Variants in PPARG observed in about 807,000 individuals in gnomAD.
PPARG encodes the protein peroxisome proliferator activated receptor gamma.
A neutral mutation model predicts 39.2 loss-of-function variants in PPARG; 17 were observed. That is an observed-to-expected ratio of 0.43 (90% CI 0.30 to 0.65). PPARG has a LOEUF of 0.65. Ranked by LOEUF, PPARG falls within the 30% of genes least tolerant of loss-of-function variation. The pLI is 0.13. For missense variants in PPARG, 406 were observed against 585.9 expected, an observed-to-expected ratio of 0.69 and a Z score of 3.17; for synonymous variants, 223 against 215.7, an observed-to-expected ratio of 1.03 and a Z score of -0.30.
At chr3:12,424,866 AC>A (rs1337098372) in intron 7 of PPARG, among the ~76,000 whole-genome samples, 1 of 152,110 alleles carries the variant, frequency 6.6e-6, no homozygotes. Context: ...CCTTATCAGG[AC>A]CCTGAGCAAA....
chr3:12,362,602 C>T (rs1436882736), intron 2 of PPARG, among the ~76,000 whole-genome samples: 3 of 151,874 alleles, frequency 2.0e-5, no homozygotes, highest in African/African-American at 7.3e-5. Flanking sequence ...ACAGTCATGT[C>T]ATCTGTAAGT....
intron 1 of PPARG, among the ~76,000 whole-genome samples, chr3:12,308,362 AAAAAAAAAG>A (rs1286559985): frequency 1.0e-4 from 15 of 149,920 alleles, no homozygotes; most frequent in Admixed American, 5.3e-4. Context: ...AAAAAAAAAA[AAAAAAAAAG>A]GGAGAAACTG....
Position 12,392,600 on chromosome 3 carries a change from T to A in PPARG, c.391-14T>A, listed in dbSNP as rs2050115627. 1 of 1,613,500 alleles carries A rather than the reference T, an allele frequency of 6.2e-7. No individual in the cohort carries two copies. The highest frequency in any genetic ancestry group is 1.3e-5 in the African/African-American group (1 of 74,926). ...TAAAGACTTAAAATTTGCTTCTTTT[T>A]TATCCCTTTGCAGGGTTTCTTCCGG... On this transcript the variant is annotated splice_polypyrimidine_tract_variant and intron_variant, in intron 4 of 7. Transcript: ENST00000651735.
chr3:12,384,962 G>A (rs113084498), intron 4 of PPARG, among the ~76,000 whole-genome samples: 24 of 152,206 alleles, frequency 1.6e-4, no homozygotes, highest in African/African-American at 5.8e-4. Context: ...CAACCATAAA[G>A]CCTTCAGTCT....
intron 5 of PPARG, among the ~76,000 whole-genome samples, chr3:12,393,610 A>G (rs1015189753): frequency 5.9e-5 from 9 of 152,262 alleles, no homozygotes; most frequent in Admixed American, 3.3e-4. Flanking sequence ...GTTATTTTCA[A>G]TGCACTCAAG....
chr3:12,338,883 CTG>C (rs1559498972), intron 2 of PPARG, among the ~76,000 whole-genome samples: 1 of 152,172 alleles, frequency 6.6e-6, no homozygotes, highest in Non-Finnish European at 1.5e-5. Flanking sequence ...CAGGTAGAAA[CTG>C]TGGCACTGAA....
At chr3:12,341,582 C>A (rs536048417) in intron 2 of PPARG, among the ~76,000 whole-genome samples, 3 of 152,230 alleles carry the variant, frequency 2.0e-5, no homozygotes, top group South Asian at 4.1e-4. Flanking sequence ...CCAAGGTGGA[C>A]AGATCACTTG....
At chr3:12,392,525 A>G (rs577942809) in intron 4 of PPARG, 89 bp from the exon 5 acceptor site, 6 of 1,484,146 alleles carry the variant, frequency 4.0e-6, no homozygotes, top group Non-Finnish European at 5.6e-6. Flanking sequence ...GCCTTTTCTG[A>G]TTCCCAGGCC....
At position 12,434,190 on chromosome 3, in the gene PPARG, C is replaced by T; in HGVS notation, c.*45C>T. ...GCCAACATTTCCCTTCTTCCAGTTG[C>T]ACTATTCTGAGGGAAAATCTGACAC... On this transcript the variant is annotated 3_prime_UTR_variant, in exon 8 of 8. Transcript: ENST00000651735. The surrounding 1 kb of genome is among the most constrained non-coding windows in gnomAD (Gnocchi z 4.2). 1.2e-6 allele frequency: 2 copies of T among 1,613,090 alleles called. No homozygotes were observed. The highest frequency in any genetic ancestry group is 1.7e-6 in the Non-Finnish European group (2 of 1,179,416).
chr3:12,349,074 T>C (rs949532065), intron 2 of PPARG, among the ~76,000 whole-genome samples: 3 of 152,188 alleles, frequency 2.0e-5, no homozygotes, highest in South Asian at 2.1e-4. Context: ...TGCATGCCAA[T>C]TGACCTTCAA....
chr3:12,434,282 A>G lies in PPARG; in HGVS notation c.*137A>G, dbSNP rs2051784955. ...TTTTAGAATATGATCTATTTTATGC[A>G]TATTGTTTATAAAGACACATTTACA... is the stretch of plus-strand genomic sequence containing the variant. On this transcript the variant is annotated 3_prime_UTR_variant, in exon 8 of 8. Transcript: ENST00000651735. This position sits in a 1 kb window ranked among gnomAD's most constrained non-coding sequence, Gnocchi z 4.2. 8.1e-6 allele frequency: 9 copies of G among 1,105,868 alleles called. No individual in the cohort carries two copies. The highest frequency in any genetic ancestry group is 1.2e-5 in the Non-Finnish European group (9 of 760,222). 68.5% of individuals were successfully genotyped at this position (1,105,868 alleles called of 1,614,324 possible).
intron 2 of PPARG, among the ~76,000 whole-genome samples, chr3:12,372,629 G>A (rs771808378): frequency 7.9e-5 from 12 of 151,992 alleles, no homozygotes; most frequent in South Asian, 4.2e-4. Flanking sequence ...TTTTCTTTTC[G>A]TAAGGGACAA....
At chr3:12,287,875 G>A (rs1296308378), upstream of PPARG, 1 of 139,050 alleles carries the variant, frequency 7.2e-6, no homozygotes, top group Non-Finnish European at 1.6e-5. Context: ...CCCCGCGCCG[G>A]GCCCGGCTCG....
At chr3:12,319,795 C>T (rs937408853) in intron 2 of PPARG, among the ~76,000 whole-genome samples, 1 of 151,796 alleles carries the variant, frequency 6.6e-6, no homozygotes. Context: ...TGTCTTTCCT[C>T]TTCTGTTCTT....
intron 2 of PPARG, among the ~76,000 whole-genome samples, chr3:12,349,626 T>G (rs2048423259): frequency 6.6e-6 from 1 of 152,208 alleles, no homozygotes; most frequent in South Asian, 2.1e-4. Flanking sequence ...GCACCTAGCT[T>G]TAGGCTTGCC....
intron 2 of PPARG, among the ~76,000 whole-genome samples, chr3:12,331,741 G>A (rs751750428): frequency 6.6e-6 from 1 of 152,162 alleles, no homozygotes; most frequent in Non-Finnish European, 1.5e-5. Flanking sequence ...AGGACATGGC[G>A]ATTGGTTTGA....
intron 2 of PPARG, among the ~76,000 whole-genome samples, chr3:12,369,876 A>G (rs1358092958): frequency 6.6e-6 from 1 of 152,172 alleles, no homozygotes; most frequent in Non-Finnish European, 1.5e-5. Flanking sequence ...ACAGAGTAAT[A>G]AAAACTCCTC....
At chr3:12,349,576 G>T (rs2048421971) in intron 2 of PPARG, among the ~76,000 whole-genome samples, 1 of 152,142 alleles carries the variant, frequency 6.6e-6, no homozygotes, top group African/African-American at 2.4e-5. Context: ...CTAATTGACT[G>T]TTTTTTGACA....
chr3:12,431,073 A>G (rs2051643784), intron 7 of PPARG, among the ~76,000 whole-genome samples: 1 of 152,200 alleles, frequency 6.6e-6, no homozygotes. Context: ...AGCCTTCAGG[A>G]GCTCAAATTT....
Sources: allele counts gnomAD v4.1 joint callset (sites outside exome capture counted in the v4.1 genomes callset), GRCh38; gene constraint gnomAD v4.1.1; non-coding constraint Gnocchi (gnomAD v3.1); transcripts MANE v1.5; gene names NCBI Gene and HGNC (gene_info 2026-07-23, HGNC 2026-07-21).